PCDHA12: variants seen among roughly 807,000 people sequenced by gnomAD.
The protein encoded by PCDHA12 is protocadherin alpha-12.
In PCDHA12, 44 loss-of-function variants were observed where a neutral mutation model predicts 60.0. The observed-to-expected ratio is 0.73, with a 90% CI of 0.58 to 0.94. PCDHA12 has a LOEUF of 0.94. Among genes scored for constraint, PCDHA12 ranks in the 40% least tolerant of loss-of-function variants. The pLI is 0.00. For synonymous variants in PCDHA12, 569 were observed against 553.0 expected (o/e 1.03, Z -0.40); for missense variants, 1,276 against 1,239.7 (o/e 1.03, Z -0.44).
intron 1 of PCDHA12, among the ~76,000 whole-genome samples, chr5:140,920,380 T>C (rs1386655132): frequency 2.0e-5 from 3 of 152,246 alleles, no homozygotes; most frequent in Non-Finnish European, 4.4e-5. Flanking sequence ...TGTGGATTCA[T>C]ATTACCATCT....
Position 141,011,605 on chromosome 5 carries a change from T to C in PCDHA12, c.*1668T>C, listed in dbSNP as rs971128266. On this transcript the variant is annotated 3_prime_UTR_variant, in exon 4 of 4. Coordinates refer to ENST00000398631, the MANE Select transcript of PCDHA12 (RefSeq NM_018903.4). The stretch of plus-strand genomic sequence containing the variant: ...AAGATACTGGTGATTCAAGGAATTT[T>C]ATTTATGGTCCAGCCAAGAGCCATC... 4 of 153,780 alleles carry C rather than the reference T, an allele frequency of 2.6e-5. No homozygotes were observed. Among genetic ancestry groups the C allele is most frequent in the Non-Finnish European group, 4.4e-5 (3 of 68,032 alleles). 9.5% of individuals were successfully genotyped at this position (153,780 alleles called of 1,614,324 possible). A position where few individuals can be genotyped will look rare whatever the true frequency, so the allele number is the denominator to read the frequency against.
intron 3 of PCDHA12, among the ~76,000 whole-genome samples, chr5:140,988,304 C>T (rs1554250029): frequency 6.6e-6 from 1 of 152,308 alleles, no homozygotes; most frequent in African/African-American, 2.4e-5. Flanking sequence ...GGAGTGCCAG[C>T]TTGGCTTGGC....
intron 1 of PCDHA12, chr5:140,928,751 C>T (rs1387564129): frequency 6.2e-7 from 1 of 1,614,180 alleles, no homozygotes; most frequent in Non-Finnish European, 8.5e-7. Flanking sequence ...GAGCTCCGTA[C>T]TGCTCGCTTA....
intron 1 of PCDHA12, among the ~76,000 whole-genome samples, chr5:140,952,040 G>T (rs1243206064): frequency 1.3e-5 from 2 of 152,216 alleles, no homozygotes; most frequent in African/African-American, 4.8e-5. Context: ...CAGTAGGGCA[G>T]TTATTAAATC....
chr5:140,966,042 G>T (rs1554228004), intron 1 of PCDHA12, among the ~76,000 whole-genome samples: 1 of 152,152 alleles, frequency 6.6e-6, no homozygotes, highest in Admixed American at 6.5e-5. Context: ...AGTTCCCATC[G>T]CCAGTAACCC....
chr5:140,882,129 T>G lies in PCDHA12; in HGVS notation c.2367+4290T>G. 10 of 1,473,110 alleles carry G rather than the reference T, an allele frequency of 6.8e-6. No homozygotes were observed. The South Asian group carries it at 9.9e-5, about 15-fold the overall frequency. The allele number at this position is 1,473,110 out of a possible 1,614,324, so 91.3% of individuals were successfully genotyped here. On this transcript the variant is annotated intron_variant, in intron 1 of 3. Transcript: ENST00000398631. ...AAGAAAGCCGCCGTTTCTTTCTTCC[T>G]GCAGAAAATATAGCAGAAAGCGGAA...
At chr5:140,943,770 A>G (rs1290673049) in intron 1 of PCDHA12, among the ~76,000 whole-genome samples, 16 of 152,384 alleles carry the variant, frequency 1.0e-4, no homozygotes, top group African/African-American at 3.8e-4. Context: ...TAGGAAAAAA[A>G]CTAGGAAGTG....
intron 1 of PCDHA12, among the ~76,000 whole-genome samples, chr5:140,955,031 A>C (rs782110698): frequency 6.6e-6 from 1 of 152,166 alleles, no homozygotes; most frequent in Non-Finnish European, 1.5e-5. Flanking sequence ...TAAATAGGGA[A>C]TCTTTTCCTC....
At chr5:140,890,226 G>C (rs1339541830) in intron 1 of PCDHA12, among the ~76,000 whole-genome samples, 7 of 152,100 alleles carry the variant, frequency 4.6e-5, no homozygotes, top group Admixed American at 4.6e-4. Context: ...AGACCTAGTT[G>C]TTAAGCATTT....
chr5:140,985,759 T>TTTTA (rs2097169056), intron 3 of PCDHA12, among the ~76,000 whole-genome samples: 2 of 149,086 alleles, frequency 1.3e-5, no homozygotes, highest in East Asian at 2.0e-4. Context: ...TTTTTTTTTT[T>TTTTA]GAGACAGTCT....
intron 1 of PCDHA12, among the ~76,000 whole-genome samples, chr5:140,896,034 C>T (rs2065325543): frequency 6.6e-6 from 1 of 152,192 alleles, no homozygotes; most frequent in South Asian, 2.1e-4. Flanking sequence ...TGGTCTCGAA[C>T]TCCTGACCTC....
At chr5:140,983,585 A>G (rs561693645) in intron 3 of PCDHA12, among the ~76,000 whole-genome samples, 18 of 152,338 alleles carry the variant, frequency 1.2e-4, no homozygotes, top group Non-Finnish European at 2.1e-4. Flanking sequence ...TATTACATCT[A>G]TTCTACATAT....
chr5:140,909,771 C>T (rs907087409), intron 1 of PCDHA12, among the ~76,000 whole-genome samples: 49 of 152,200 alleles, frequency 3.2e-4, no homozygotes, highest in African/African-American at 1.1e-3. Flanking sequence ...TCCAGGGACC[C>T]ACTGGACCCA....
At chr5:140,967,253 C>T in intron 1 of PCDHA12, 4 of 1,613,546 alleles carry the variant, frequency 2.5e-6, no homozygotes, top group South Asian at 1.1e-5. Context: ...ATCGGTGGCG[C>T]CTGGAGCGCG....
At chr5:140,907,720 C>T (rs1554193113) in intron 1 of PCDHA12, among the ~76,000 whole-genome samples, 1 of 152,208 alleles carries the variant, frequency 6.6e-6, no homozygotes, top group Non-Finnish European at 1.5e-5. Context: ...CATGTGTAAC[C>T]TCCATCCCTG....
At chr5:140,880,554 A>T (rs546471112) in intron 1 of PCDHA12, among the ~76,000 whole-genome samples, 1 of 152,360 alleles carries the variant, frequency 6.6e-6, no homozygotes, top group South Asian at 2.1e-4. Flanking sequence ...ACTGATGGAA[A>T]TGAGGTTGAG....
intron 3 of PCDHA12, among the ~76,000 whole-genome samples, chr5:141,000,018 A>G (rs2097889437): frequency 6.6e-6 from 1 of 152,038 alleles, no homozygotes; most frequent in East Asian, 1.9e-4. Flanking sequence ...CCCCATTGCT[A>G]AGCCTGACAT....
intron 1 of PCDHA12, among the ~76,000 whole-genome samples, chr5:140,942,544 G>T (rs546340510): frequency 1.6e-4 from 24 of 152,000 alleles, no homozygotes; most frequent in Non-Finnish European, 2.9e-4. Context: ...TATGGTGGGG[G>T]GTAGGGGGTT....
At chr5:140,971,117 G>A (rs868931936) in intron 1 of PCDHA12, among the ~76,000 whole-genome samples, 1 of 152,162 alleles carries the variant, frequency 6.6e-6, no homozygotes, top group Admixed American at 6.5e-5. Flanking sequence ...ATTGGGGTGG[G>A]CTACAGGTGG....
Sources: allele counts gnomAD v4.1 joint callset (sites outside exome capture counted in the v4.1 genomes callset), GRCh38; gene constraint gnomAD v4.1.1; transcripts MANE v1.5; gene names NCBI Gene and HGNC (gene_info 2026-07-23, HGNC 2026-07-21).